The following DAB1 variants were observed in gnomAD, a reference collection of about 807,000 sequenced individuals.
DAB1 encodes disabled homolog 1.
DAB1 carries 15 observed loss-of-function variants against 64.6 expected under a neutral mutation model. That is an observed-to-expected ratio of 0.23 (90% CI 0.16 to 0.36). The LOEUF (loss-of-function observed/expected upper bound fraction) is 0.36. DAB1 is among the 10% of genes least tolerant of loss of function. The pLI, the probability that DAB1 is intolerant of heterozygous loss-of-function variation, is 1.00. For synonymous variants in DAB1, 235 were observed against 251.9 expected, an observed-to-expected ratio of 0.93 and a Z score of 0.64; for missense variants, 596 against 706.7, an observed-to-expected ratio of 0.84 and a Z score of 1.78.
chr1:58,284,991 C>T (rs556332215), intron 4 of DAB1, among the ~76,000 whole-genome samples: 11 of 152,314 alleles, frequency 7.2e-5, no homozygotes, highest in Admixed American at 5.9e-4. Flanking sequence ...CTGACTGAGA[C>T]TTTCTTTATG....
chr1:58,197,128 G>T (rs570909189), intron 4 of DAB1, among the ~76,000 whole-genome samples: 2 of 152,196 alleles, frequency 1.3e-5, no homozygotes, highest in South Asian at 4.1e-4. Context: ...AAGGAACCTG[G>T]GTCCCTGAAT....
intron 7 of DAB1, among the ~76,000 whole-genome samples, chr1:57,616,296 G>A (rs1426501230): frequency 1.3e-5 from 2 of 152,126 alleles, no homozygotes; most frequent in Admixed American, 6.5e-5. Flanking sequence ...TTACCTTCTC[G>A]AGAAGTCTTT....
intron 3 of DAB1, among the ~76,000 whole-genome samples, chr1:58,447,197 G>T (rs867455481): frequency 3.3e-4 from 50 of 152,202 alleles, no homozygotes; most frequent in African/African-American, 1.1e-3. Flanking sequence ...CAAAGAAAGG[G>T]TTTGCTTGAC....
At chr1:57,033,385 C>T (rs751993927) in intron 9 of DAB1, 1 of 1,612,858 alleles carries the variant, frequency 6.2e-7, no homozygotes, top group Non-Finnish European at 8.5e-7. Flanking sequence ...CAAGGCCTTA[C>T]CTTCGTTGCC....
At position 58,197,006 on chromosome 1, in the gene DAB1, T is replaced by C. The variant is rs1045268664; in HGVS notation, n.310-46418A>G. ...AAATGAGGATGGGAATCATGCAAAT[T>C]ACTTCTAGGTTCATATTCTGAAAAC... is the stretch of plus-strand genomic sequence containing the variant. On this transcript the variant is annotated intron_variant and non_coding_transcript_variant, in intron 4 of 20. Coordinates refer to the DAB1 transcript ENST00000485760. Among the ~76,000 whole-genome samples, 8 of 152,184 alleles carry C rather than the reference T, an allele frequency of 5.3e-5. No individual in the cohort carries two copies. In the East Asian group the frequency reaches 1.3e-3, roughly 26 times the overall value.
chr1:57,112,657 G>T (rs1476846800), intron 4 of DAB1, among the ~76,000 whole-genome samples: 1 of 152,038 alleles, frequency 6.6e-6, no homozygotes, highest in African/African-American at 2.4e-5. Context: ...TTTCAGGTCA[G>T]CTATACACCA....
chr1:57,190,405 G>A (rs1440224510), intron 2 of DAB1, among the ~76,000 whole-genome samples: 1 of 152,278 alleles, frequency 6.6e-6, no homozygotes, highest in Non-Finnish European at 1.5e-5. Flanking sequence ...ACCCTATTCT[G>A]TGTATGAGAA....
chr1:57,991,941 T>G (rs1288265694), intron 5 of DAB1, among the ~76,000 whole-genome samples: 1 of 144,698 alleles, frequency 6.9e-6, no homozygotes, highest in Non-Finnish European at 1.5e-5. Context: ...GTTGAGAAGG[T>G]CAAGTCAAGG....
At chr1:57,547,469 G>A (rs1007709162) in intron 7 of DAB1, among the ~76,000 whole-genome samples, 5 of 152,112 alleles carry the variant, frequency 3.3e-5, no homozygotes, top group African/African-American at 1.2e-4. Flanking sequence ...ATGGAATAAA[G>A]GATCAGTTGC....
chr1:57,533,427 A>G (rs1644688203), intron 7 of DAB1, among the ~76,000 whole-genome samples: 1 of 151,830 alleles, frequency 6.6e-6, no homozygotes, highest in Non-Finnish European at 1.5e-5. Context: ...TTCCCAAAAA[A>G]TTTAGATGAC....
At chr1:57,721,968 CAG>C (rs1428206040) in intron 6 of DAB1, among the ~76,000 whole-genome samples, 1 of 152,094 alleles carries the variant, frequency 6.6e-6, no homozygotes, top group Non-Finnish European at 1.5e-5. Flanking sequence ...GATTTTAAAC[CAG>C]AGCTATTTTA....
intron 3 of DAB1, among the ~76,000 whole-genome samples, chr1:58,390,049 C>T (rs934575712): frequency 3.9e-5 from 6 of 151,982 alleles, no homozygotes; most frequent in South Asian, 2.1e-4. Context: ...CTTAGCAGGG[C>T]GAAAATATAC....
chr1:58,355,424 A>G (rs1380508094), intron 3 of DAB1, among the ~76,000 whole-genome samples: 2 of 152,224 alleles, frequency 1.3e-5, no homozygotes, highest in Non-Finnish European at 2.9e-5. Context: ...GGATGCAGCC[A>G]TGGAAGAGTT....
chr1:57,716,697 C>T (rs1167870392), intron 6 of DAB1, among the ~76,000 whole-genome samples: 1 of 152,098 alleles, frequency 6.6e-6, no homozygotes, highest in East Asian at 1.9e-4. Flanking sequence ...AATACGACTT[C>T]AAAAGCAAAG....
chr1:57,710,622 G>A (rs1222348265), intron 6 of DAB1, among the ~76,000 whole-genome samples: 1 of 151,828 alleles, frequency 6.6e-6, no homozygotes, highest in East Asian at 1.9e-4. Context: ...TGGCTTTATT[G>A]TCACTATTTT....
At chr1:57,365,384 T>A (rs901358949) in intron 1 of DAB1, among the ~76,000 whole-genome samples, 4 of 144,112 alleles carry the variant, frequency 2.8e-5, no homozygotes, top group African/African-American at 1.0e-4. Flanking sequence ...TTTATATGTA[T>A]TACATATAAA....
intron 5 of DAB1, among the ~76,000 whole-genome samples, chr1:57,938,704 T>G (rs982520772): frequency 2.0e-5 from 3 of 146,684 alleles, no homozygotes; most frequent in Non-Finnish European, 4.5e-5. Flanking sequence ...GAAAACAGAC[T>G]AATACACCCT....
chr1:58,283,358 A>AC (rs1661610272), intron 4 of DAB1, among the ~76,000 whole-genome samples: 2 of 152,122 alleles, frequency 1.3e-5, no homozygotes, highest in Non-Finnish European at 2.9e-5. Context: ...GCTAGAAATG[A>AC]CCCTTAAAAT....
At chr1:58,379,689 G>A (rs1000912953) in intron 3 of DAB1, among the ~76,000 whole-genome samples, 1 of 152,230 alleles carries the variant, frequency 6.6e-6, no homozygotes. Flanking sequence ...TCCCCAATGA[G>A]CTGATAGTCT....
Sources: allele counts gnomAD v4.1 joint callset (sites outside exome capture counted in the v4.1 genomes callset), GRCh38; gene constraint gnomAD v4.1.1; transcripts MANE v1.5; gene names NCBI Gene and HGNC (gene_info 2026-07-23, HGNC 2026-07-21).